The following CD46 variants were observed in gnomAD, a reference collection of about 807,000 sequenced individuals.
CD46 encodes the protein membrane cofactor protein.
CD46 carries 30 observed loss-of-function variants against 53.3 expected under a neutral mutation model. The ratio of observed to expected loss-of-function variants is 0.56; its 90% confidence interval spans 0.42 to 0.76. The LOEUF (loss-of-function observed/expected upper bound fraction) is 0.76. Ranked by LOEUF, CD46 falls within the 30% of genes least tolerant of loss-of-function variation. The pLI, the probability that CD46 is intolerant of heterozygous loss-of-function variation, is 0.00. For synonymous variants in CD46, 142 were observed against 152.0 expected (o/e 0.93, Z 0.48); for missense variants, 409 against 463.0 (o/e 0.88, Z 1.07).
chr1:207,770,538 T>C (rs1394292308), intron 8 of CD46, among the ~76,000 whole-genome samples, 176 bp downstream of exon 8: 1 of 152,206 alleles, frequency 6.6e-6, no homozygotes, highest in Non-Finnish European at 1.5e-5. Context: ...TTTCTCCTAA[T>C]GCTATCCCTC....
At chr1:207,788,466 C>A (rs1017732824) in intron 11 of CD46, among the ~76,000 whole-genome samples, 6 of 151,814 alleles carry the variant, frequency 4.0e-5, no homozygotes, top group Non-Finnish European at 7.4e-5. Flanking sequence ...TTGCAGTGAG[C>A]GAGATTGCGC....
In CD46 at chr1:207,752,282, A is replaced by C; in HGVS notation, c.70A>C (p.Met24Leu). 2 of 1,614,006 alleles carry C rather than the reference A, an allele frequency of 1.2e-6. No individual in the cohort carries two copies. Among genetic ancestry groups the C allele is most frequent in the East Asian group, 2.2e-5 (1 of 44,868 alleles). The change falls in exon 1 of 13, where the codon ATG becomes CTG. Residue 24 changes from methionine (M) to leucine (L), a missense_variant. Physicochemically the swap from Met to Leu is conservative, Grantham distance 15. Coordinates refer to ENST00000367042, the MANE Select transcript of CD46 (RefSeq NM_172351.3). The surrounding 1 kb of genome is among the most constrained non-coding windows in gnomAD (Gnocchi z 4.1). Reference protein sequence around the residue: ...WRFPGLLLAAMVLLLYSFSDA... With the variant: ...WRFPGLLLAALVLLLYSFSDA... ...CTTTCCTGGGTTGCTTCTGGCGGCC[A>C]TGGTGTTGCTGCTGTACTCCTTCTC...
At chr1:207,755,018 G>C (rs568825790) in intron 1 of CD46, among the ~76,000 whole-genome samples, 1 of 151,014 alleles carries the variant, frequency 6.6e-6, no homozygotes, top group East Asian at 1.9e-4. Flanking sequence ...CTACTTGGGA[G>C]ACTGAAGGGG....
At chr1:207,756,158 G>A (rs1655512141) in intron 1 of CD46, among the ~76,000 whole-genome samples, 1 of 152,150 alleles carries the variant, frequency 6.6e-6, no homozygotes. Context: ...AGGGAGGAAG[G>A]GTATTCAGAG....
At position 207,767,670 on chromosome 1, in the gene CD46, T is replaced by C. The variant is rs764406994; in HGVS notation, c.857-109T>C. The C allele has an allele frequency of 3.1e-6, 5 of 1,608,546 alleles. No individual in the cohort carries two copies. In the Admixed American group the frequency reaches 8.3e-5, roughly 27 times the overall value. On this transcript the variant is annotated intron_variant, in intron 6 of 12. Transcript: ENST00000367042. ...CATTCAGGTTTAGTAGCTTCTTCCT[T>C]ATATGTCTTCTTCCTTATATGTTAC...
intron 8 of CD46, among the ~76,000 whole-genome samples, chr1:207,778,374 G>C (rs1388013865): frequency 6.6e-6 from 1 of 151,660 alleles, no homozygotes; most frequent in Non-Finnish European, 1.5e-5. Context: ...ATTATGTCCA[G>C]AGTGATATTG....
In CD46 at chr1:207,752,329, T is replaced by TCGCGCGTC; in HGVS notation, c.97+25_97+32dup. The TCGCGCGTC allele has an allele frequency of 6.2e-7, 1 of 1,609,442 alleles. No homozygotes were observed. The highest frequency in any genetic ancestry group is 1.3e-5 in the African/African-American group (1 of 74,942). ...TCTCCGGTAGGACCCCGGGGCGGGT[T>TCGCGCGTC]CGCGCGTCCGCGGCGAGACTAGAGC... On this transcript the variant is annotated intron_variant, in intron 1 of 12. Transcript: ENST00000367042. This position sits in a 1 kb window ranked among gnomAD's most constrained non-coding sequence, Gnocchi z 4.1.
At chr1:207,776,240 T>G (rs1040810859) in intron 8 of CD46, among the ~76,000 whole-genome samples, 2 of 152,182 alleles carry the variant, frequency 1.3e-5, no homozygotes, top group South Asian at 4.1e-4. Context: ...AGTGCAGTAT[T>G]TGGTCAGGAG....
intron 9 of CD46, chr1:207,783,592 T>C (rs1658993541): frequency 3.4e-6 from 1 of 293,772 alleles, no homozygotes; most frequent in Non-Finnish European, 6.4e-6. Context: ...CTAAGTTGGG[T>C]TTATTTTTTC....
Position 207,752,060 on chromosome 1 carries a change from C to CT in CD46, c.-153_-152insT, listed in dbSNP as rs1654952097. On this transcript the variant is annotated 5_prime_UTR_variant, in exon 1 of 13. Transcript: ENST00000367042. The surrounding 1 kb of genome is among the most constrained non-coding windows in gnomAD (Gnocchi z 4.1). Reference sequence around the variant, plus strand: ...ACGCACTTCCGCCCCGGGCGCGGCTCGGGCCACGCCCACCTGTCCTGCAGC... The same window carrying CT: ...ACGCACTTCCGCCCCGGGCGCGGCTCTGGGCCACGCCCACCTGTCCTGCAGC... The CT allele has an allele frequency of 1.2e-6, 1 of 813,966 alleles. No individual in the cohort carries two copies. The highest frequency in any genetic ancestry group is 2.1e-6 in the Non-Finnish European group (1 of 479,050). 50.4% of individuals were successfully genotyped at this position (813,966 alleles called of 1,614,324 possible). A position where few individuals can be genotyped will look rare whatever the true frequency, so the allele number is the denominator to read the frequency against.
intron 7 of CD46, chr1:207,769,824 G>A (rs545074811): frequency 5.7e-5 from 9 of 156,800 alleles, no homozygotes; most frequent in South Asian, 3.7e-4. Context: ...GTGCAGTGGC[G>A]CGGTCTTGGC....
intron 8 of CD46, 36 bp downstream of exon 8, chr1:207,770,398 A>G (rs772354947): frequency 7.8e-6 from 11 of 1,404,502 alleles, no homozygotes; most frequent in Non-Finnish European, 9.1e-6. Context: ...TATTGTTAAG[A>G]ATTTATTTAT....
chr1:207,767,635 A>C, intron 6 of CD46, 144 bp from the exon 7 acceptor site: 1 of 1,613,360 alleles, frequency 6.2e-7, no homozygotes, highest in Non-Finnish European at 8.5e-7. Context: ...CAAAACCTCC[A>C]GCTTTGAGTC....
intron 8 of CD46, among the ~76,000 whole-genome samples, chr1:207,782,997 T>C (rs1477253742): frequency 6.6e-6 from 1 of 152,060 alleles, no homozygotes; most frequent in African/African-American, 2.4e-5. Context: ...ATTGGATTTA[T>C]AGACTAATTT....
chr1:207,778,297 G>A (rs1470877896), intron 8 of CD46, among the ~76,000 whole-genome samples: 2 of 151,850 alleles, frequency 1.3e-5, no homozygotes, highest in African/African-American at 4.8e-5. Context: ...TACTTCAATC[G>A]TACTTGTCAA....
At chr1:207,782,825 T>G (rs187986946) in intron 8 of CD46, among the ~76,000 whole-genome samples, 15 of 150,634 alleles carry the variant, frequency 1.0e-4, no homozygotes, top group African/African-American at 2.7e-4. Context: ...TTTTTGTTTT[T>G]TTTTTTTTTA....
intron 6 of CD46, 176 bp downstream of exon 6, chr1:207,767,371 TA>T: frequency 1.4e-6 from 1 of 735,730 alleles, no homozygotes; most frequent in Non-Finnish European, 2.3e-6. Flanking sequence ...GAAATTCACA[TA>T]AAATTCTGCT....
intron 8 of CD46, among the ~76,000 whole-genome samples, chr1:207,780,524 A>G (rs989787315): frequency 6.6e-6 from 1 of 152,144 alleles, no homozygotes; most frequent in Admixed American, 6.5e-5. Context: ...AGGTGTACAC[A>G]TATCTGTTTG....
intron 7 of CD46, chr1:207,768,820 T>A (rs1470454556): frequency 6.6e-6 from 1 of 152,240 alleles, no homozygotes; most frequent in East Asian, 1.9e-4. Flanking sequence ...TAACATCATT[T>A]CTGTGGTCTT....
Sources: gnomAD v4.1 joint callset for allele counts (sites outside exome capture counted in the v4.1 genomes callset) on GRCh38, gnomAD v4.1.1 for gene constraint, Gnocchi (gnomAD v3.1) non-coding constraint, MANE v1.5 for transcripts, NCBI Gene and HGNC (gene_info 2026-07-23, HGNC 2026-07-21) for gene names.